The following CGNL1 variants were observed in gnomAD, a reference collection of about 807,000 sequenced individuals.
The protein encoded by CGNL1 is cingulin-like protein 1.
In CGNL1, 132 loss-of-function variants were observed where a neutral mutation model predicts 141.2. That is an observed-to-expected ratio of 0.93 (90% CI 0.81 to 1.08). CGNL1 has a LOEUF of 1.08. Among genes scored for constraint, CGNL1 ranks in the 50% least tolerant of loss-of-function variants. The pLI, the probability that CGNL1 is intolerant of heterozygous loss-of-function variation, is 0.00. For synonymous variants in CGNL1, 690 were observed against 622.1 expected, an observed-to-expected ratio of 1.11 and a Z score of -1.63; for missense variants, 1,870 against 1,588.6, an observed-to-expected ratio of 1.18 and a Z score of -3.01.
chr15:57,446,215 G>A (rs565113976), intron 4 of CGNL1, among the ~76,000 whole-genome samples: 1 of 152,108 alleles, frequency 6.6e-6, no homozygotes, highest in South Asian at 2.1e-4. Context: ...TTTTATTGGG[G>A]TATAACTTAT....
At chr15:57,538,555 G>T (rs1435476101) in intron 14 of CGNL1, among the ~76,000 whole-genome samples, 1 of 152,178 alleles carries the variant, frequency 6.6e-6, no homozygotes, top group Admixed American at 6.5e-5. Context: ...GGACCCTTGG[G>T]GATGCTGCCA....
chr15:57,543,861 T>A, intron 15 of CGNL1, 82 bp downstream of exon 15: 1 of 1,022,366 alleles, frequency 9.8e-7, no homozygotes, highest in Non-Finnish European at 1.5e-6. Context: ...TAGAAGCCCT[T>A]GGAGGTCCCT....
chr15:57,400,399 A>G (rs1251741200), intron 1 of CGNL1, among the ~76,000 whole-genome samples: 1 of 152,052 alleles, frequency 6.6e-6, no homozygotes, highest in Non-Finnish European at 1.5e-5. Flanking sequence ...TGGGCTAAGG[A>G]TTGTAACTTC....
chr15:57,507,947 A>G (rs2152395959), intron 8 of CGNL1, among the ~76,000 whole-genome samples: 1 of 152,370 alleles, frequency 6.6e-6, no homozygotes, highest in Non-Finnish European at 1.5e-5. Flanking sequence ...GAAGGCAGAT[A>G]GAAGTTAAAT....
At chr15:57,514,210 G>A (rs2030580926) in intron 8 of CGNL1, among the ~76,000 whole-genome samples, 1 of 152,090 alleles carries the variant, frequency 6.6e-6, no homozygotes, top group South Asian at 2.1e-4. Context: ...GGAGTGCAGT[G>A]GTCCCATCTC....
At chr15:57,509,327 A>G (rs1447908207) in intron 8 of CGNL1, among the ~76,000 whole-genome samples, 1 of 152,224 alleles carries the variant, frequency 6.6e-6, no homozygotes, top group African/African-American at 2.4e-5. Context: ...GTTTTCACTC[A>G]TTCAGCAAAA....
intron 1 of CGNL1, among the ~76,000 whole-genome samples, chr15:57,428,397 A>T (rs1323548469): frequency 6.6e-6 from 1 of 152,232 alleles, no homozygotes; most frequent in Admixed American, 6.5e-5. Flanking sequence ...ACATCTCTAA[A>T]GTGGAGAGAA....
chr15:57,438,205 T>C lies in CGNL1; in HGVS notation c.206T>C (p.Phe69Ser). 6.2e-7 allele frequency: 1 copy of C among 1,614,140 alleles called. No individual in the cohort carries two copies. Among genetic ancestry groups the C allele is most frequent in the South Asian group, 1.1e-5 (1 of 91,080 alleles). Reference protein sequence around the residue: ...NTERCLAGTSFSENGPPFPPP... With the variant: ...NTERCLAGTSSSENGPPFPPP... Reference sequence around the variant, plus strand: ...GAACGGTGCCTAGCAGGCACATCGTTTTCTGAAAATGGGCCACCCTTTCCA... The same window carrying C: ...GAACGGTGCCTAGCAGGCACATCGTCTTCTGAAAATGGGCCACCCTTTCCA... The change falls in exon 2 of 19, where the codon TTT becomes TCT. Residue 69 changes from phenylalanine to serine, a missense_variant. Coordinates refer to ENST00000281282, the MANE Select transcript of CGNL1 (RefSeq NM_032866.5).
At chr15:57,483,468 C>CTTTTTTTTTT (rs60667956) in intron 8 of CGNL1, among the ~76,000 whole-genome samples, 5 of 127,798 alleles carry the variant, frequency 3.9e-5, no homozygotes, top group Non-Finnish European at 6.5e-5. Context: ...ACAAAGTTTT[C>CTTTTTTTTTT]TTTTTTTTTT....
At chr15:57,430,261 T>C (rs1273821782) in intron 1 of CGNL1, among the ~76,000 whole-genome samples, 4 of 152,238 alleles carry the variant, frequency 2.6e-5, no homozygotes, top group African/African-American at 9.6e-5. Flanking sequence ...GTCAGAAATA[T>C]TTCCTGCTTC....
At chr15:57,515,691 G>T (rs1490756159) in intron 8 of CGNL1, among the ~76,000 whole-genome samples, 1 of 152,150 alleles carries the variant, frequency 6.6e-6, no homozygotes, top group Non-Finnish European at 1.5e-5. Flanking sequence ...GTGACCTCTG[G>T]AATCAACAAT....
intron 14 of CGNL1, among the ~76,000 whole-genome samples, chr15:57,543,133 T>C (rs960016153): frequency 6.6e-6 from 1 of 152,162 alleles, no homozygotes; most frequent in Non-Finnish European, 1.5e-5. Context: ...AGTAGGGAAA[T>C]GATTCCTTGC....
chr15:57,396,414 C>T (rs959465894), intron 1 of CGNL1, among the ~76,000 whole-genome samples: 37 of 152,116 alleles, frequency 2.4e-4, no homozygotes, highest in African/African-American at 8.9e-4. Flanking sequence ...GCTGGGGCTA[C>T]AGGTGCATGC....
At chr15:57,524,790 T>C in intron 12 of CGNL1, 39 bp downstream of exon 12, 1 of 1,598,520 alleles carries the variant, frequency 6.3e-7, no homozygotes, top group Non-Finnish European at 8.5e-7. Context: ...TTATCCCTTA[T>C]TCAAAGTATC....
intron 14 of CGNL1, among the ~76,000 whole-genome samples, chr15:57,535,076 A>G (rs1014607128): frequency 1.3e-5 from 2 of 151,918 alleles, no homozygotes; most frequent in African/African-American, 4.8e-5. Flanking sequence ...TCAGAGTCCA[A>G]CTCTCCCCAC....
chr15:57,475,492 GGTGTGTGTGTGTGTGTGT>G (rs72168222), intron 8 of CGNL1, among the ~76,000 whole-genome samples: 20,397 of 147,872 alleles, frequency 0.14, 1,877 homozygotes, highest in East Asian at 0.44. Flanking sequence ...ATACAAGTGT[GGTGTGTGTGTGTGTGTGT>G]GTGTGTGTGT....
At chr15:57,528,278 A>AC in intron 12 of CGNL1, among the ~76,000 whole-genome samples, 1 of 152,204 alleles carries the variant, frequency 6.6e-6, no homozygotes, top group East Asian at 1.9e-4. Context: ...ACAAAAAAAA[A>AC]CTATATCTTG....
intron 1 of CGNL1, among the ~76,000 whole-genome samples, chr15:57,412,060 T>G (rs1290760983): frequency 6.6e-6 from 1 of 152,244 alleles, no homozygotes; most frequent in Non-Finnish European, 1.5e-5. Context: ...TGGGACAGGT[T>G]TGGATTGACT....
chr15:57,545,529 T>G (rs2032808513), intron 16 of CGNL1, 63 bp from the exon 17 acceptor site: 1 of 1,483,086 alleles, frequency 6.7e-7, no homozygotes, highest in African/African-American at 1.4e-5. Flanking sequence ...CTCCACAGCC[T>G]AGGCTGGGCC....
Sources: gnomAD v4.1 joint callset for allele counts (sites outside exome capture counted in the v4.1 genomes callset) on GRCh38, gnomAD v4.1.1 for gene constraint, MANE v1.5 for transcripts, NCBI Gene and HGNC (gene_info 2026-07-23, HGNC 2026-07-21) for gene names.